Variants in MAK observed in about 807,000 individuals in gnomAD.
MAK encodes the protein male germ cell associated kinase.
A neutral mutation model predicts 82.6 loss-of-function variants in MAK; 65 were observed. The observed-to-expected ratio is 0.79, with a 90% confidence interval of 0.64 to 0.97. The LOEUF is 0.97. MAK is among the 50% of genes least tolerant of loss of function. The pLI is 0.00. For missense variants in MAK, 703 were observed against 780.2 expected, an observed-to-expected ratio of 0.90 and a Z score of 1.18; for synonymous variants, 250 against 274.2, an observed-to-expected ratio of 0.91 and a Z score of 0.87.
intron 2 of MAK, among the ~76,000 whole-genome samples, chr6:10,823,067 C>G (rs1472719357): frequency 2.0e-5 from 3 of 152,160 alleles, no homozygotes; most frequent in Non-Finnish European, 4.4e-5. Context: ...CTAGACCGCT[C>G]AAAAGGTTTG....
intron 2 of MAK, among the ~76,000 whole-genome samples, chr6:10,824,004 A>G (rs1263380732): frequency 6.6e-6 from 1 of 152,200 alleles, no homozygotes; most frequent in Non-Finnish European, 1.5e-5. Flanking sequence ...CAAACAAAAA[A>G]AAAAAATGAG....
At chr6:10,770,661 G>A (rs1466760867) in intron 13 of MAK, among the ~76,000 whole-genome samples, 7 of 152,302 alleles carry the variant, frequency 4.6e-5, no homozygotes, top group Non-Finnish European at 8.8e-5. Flanking sequence ...ACCTATTCTC[G>A]TAGGGTTGTT....
rs1376425213 is a variant in MAK at position 10,817,987 on chromosome 6, T to C, written c.157-16A>G. The C allele has an allele frequency of 3.5e-6, 5 of 1,408,586 alleles. No individual in the cohort carries two copies. In the East Asian group the frequency reaches 1.2e-4, roughly 35 times the overall value. 87.3% of individuals were successfully genotyped at this position (1,408,586 alleles called of 1,614,324 possible). On this transcript the variant is annotated splice_polypyrimidine_tract_variant and intron_variant, in intron 3 of 14. Coordinates refer to ENST00000354489, the MANE Select transcript of MAK (RefSeq NM_001242957.3). ...TCTTCAGAGACTGAAAAATAACAAA[T>C]ATGCCTTAAAATTTCTTAAAAAAAA...
At chr6:10,819,610 C>T (rs1223115539) in intron 2 of MAK, among the ~76,000 whole-genome samples, 3 of 151,110 alleles carry the variant, frequency 2.0e-5, no homozygotes, top group Admixed American at 1.3e-4. Flanking sequence ...CCAGCCTGGG[C>T]GACAGATGAG....
intron 13 of MAK, among the ~76,000 whole-genome samples, chr6:10,772,330 CT>C (rs35702506): frequency 0.022 from 3,158 of 144,250 alleles, 41 homozygotes; most frequent in African/African-American, 0.042. Context: ...CCCAGTTAAC[CT>C]TTTTTTTTTT....
At chr6:10,814,999 T>A (rs2127573426) in intron 4 of MAK, among the ~76,000 whole-genome samples, 1 of 151,708 alleles carries the variant, frequency 6.6e-6, no homozygotes, top group South Asian at 2.1e-4. Context: ...ATTACACCAC[T>A]TCACTCCAGC....
intron 10 of MAK, among the ~76,000 whole-genome samples, chr6:10,790,369 C>T (rs1774970991): frequency 6.6e-6 from 1 of 152,056 alleles, no homozygotes; most frequent in African/African-American, 2.4e-5. Context: ...GTTTTCCTGA[C>T]TCATAACACA....
chr6:10,812,073 G>A (rs112201621), intron 5 of MAK, among the ~76,000 whole-genome samples: 9 of 152,178 alleles, frequency 5.9e-5, no homozygotes, highest in East Asian at 1.9e-4. Context: ...GGAAGCGTGC[G>A]CCTGTAGTCC....
At chr6:10,811,970 T>C (rs562750607) in intron 5 of MAK, among the ~76,000 whole-genome samples, 2 of 151,934 alleles carry the variant, frequency 1.3e-5, no homozygotes, top group African/African-American at 2.4e-5. Flanking sequence ...GAGGCTGAGG[T>C]TGGAGGATCA....
chr6:10,775,432 A>G lies in MAK; in HGVS notation c.1493T>C (p.Ile498Thr). The G allele has an allele frequency of 1.9e-6, 3 of 1,613,728 alleles. No individual in the cohort carries two copies. Among genetic ancestry groups the G allele is most frequent in the Non-Finnish European group, 2.5e-6 (3 of 1,179,726 alleles). ...GGGGTTTATTTCCTTTCCACTGGCT[A>G]TCAAGGACACCTTCTTGGGATTCAC... ...PGVNPKKVSL[I>T]ASGKEINPHT... is the part of the protein sequence containing the mutation. Residue 498 changes from isoleucine to threonine, a missense_variant, in exon 12 of 15, where the codon ATA (isoleucine) becomes ACA (threonine). Physicochemically the swap from Ile to Thr is moderately conservative, Grantham distance 89. Transcript: ENST00000354489.
At position 10,764,244 on chromosome 6, in the gene MAK, A is replaced by G. The variant is rs1772186733; in HGVS notation, c.*208T>C. The stretch of plus-strand genomic sequence containing the variant: ...TTCAATACTTTGTAACATCCTACCC[A>G]TATATCAACACTGTGGGCAATGATG... On this transcript the variant is annotated 3_prime_UTR_variant, in exon 15 of 15. Coordinates refer to ENST00000354489, the MANE Select transcript of MAK (RefSeq NM_001242957.3). 3 of 578,884 alleles carry G rather than the reference A, an allele frequency of 5.2e-6. No individual in the cohort carries two copies. The highest frequency in any genetic ancestry group is 4.2e-5 in the South Asian group (2 of 47,544). The allele number at this position is 578,884 out of a possible 1,614,324, so 35.9% of individuals were successfully genotyped here. A position where few individuals can be genotyped will look rare whatever the true frequency, so the allele number is the denominator to read the frequency against.
chr6:10,773,294 T>C (rs1418137711), intron 12 of MAK, among the ~76,000 whole-genome samples, 186 bp from the exon 13 acceptor site: 1 of 152,220 alleles, frequency 6.6e-6, no homozygotes, highest in Non-Finnish European at 1.5e-5. Flanking sequence ...GACTCAAAGT[T>C]GTTCTACTGT....
intron 10 of MAK, 175 bp from the exon 11 acceptor site, chr6:10,784,747 T>C (rs1774372062): frequency 4.4e-6 from 3 of 688,890 alleles, no homozygotes; most frequent in Admixed American, 4.1e-5. Flanking sequence ...CCCGCGTAGA[T>C]ATTGGGTCGT....
At chr6:10,806,322 T>A (rs1028826040) in intron 6 of MAK, among the ~76,000 whole-genome samples, 2 of 151,572 alleles carry the variant, frequency 1.3e-5, no homozygotes, top group African/African-American at 4.9e-5. Flanking sequence ...TGTGCCACCA[T>A]GCCTGGCTAA....
At chr6:10,811,661 C>T (rs1161557171) in intron 5 of MAK, among the ~76,000 whole-genome samples, 1 of 152,150 alleles carries the variant, frequency 6.6e-6, no homozygotes, top group African/African-American at 2.4e-5. Context: ...ATAATTAATA[C>T]ATTACTGCTG....
intron 11 of MAK, among the ~76,000 whole-genome samples, chr6:10,782,202 T>TCACACACACACACACACACACACA (rs746386493): frequency 6.8e-6 from 1 of 146,054 alleles, no homozygotes; most frequent in African/African-American, 2.5e-5. Context: ...TGAAACTCTG[T>TCACACACACACACACACACACACA]CACACACACA....
intron 5 of MAK, among the ~76,000 whole-genome samples, chr6:10,811,702 G>A (rs966747296): frequency 2.6e-5 from 4 of 152,060 alleles, no homozygotes; most frequent in Non-Finnish European, 1.5e-5. Context: ...TATCATTACA[G>A]GATTTAGACT....
At position 10,774,446 on chromosome 6, in the gene MAK, T is replaced by C. The variant is rs570964685; in HGVS notation, c.1597+882A>G. Among the ~76,000 whole-genome samples, 160 of 151,406 alleles carry C rather than the reference T, an allele frequency of 1.1e-3. 1 individual carries two copies. Among genetic ancestry groups the C allele is most frequent in the African/African-American group, 3.5e-3 (142 of 40,740 alleles). ...ATCACAGCATCAGGGCTATTTTCTC[T>C]CTCTTTTCTTTTTTCTTCCTTTTTG... On this transcript the variant is annotated intron_variant, in intron 12 of 14. Transcript: ENST00000354489.
At position 10,770,167 on chromosome 6, in the gene MAK, T is replaced by G. The variant is rs1772870340; in HGVS notation, c.1736A>C (p.Glu579Ala). 6.2e-7 allele frequency: 1 copy of G among 1,614,190 alleles called. No individual in the cohort carries two copies. Among genetic ancestry groups the G allele is most frequent in the African/African-American group, 1.3e-5 (1 of 75,048 alleles). The change falls in exon 14 of 15, where the codon GAA (glutamate) becomes GCA (alanine). Residue 579 changes from glutamate (E) to alanine (A), a missense_variant. By Grantham distance (107) the Glu-to-Ala change is moderately radical (BLOSUM62 -1). Transcript: ENST00000354489. ...SGYIPSFLKK[E>A]VQSAGQRIHL... ...GATCCTCTGGCCAGCTGACTGCACT[T>G]CTTTTTTGAGAAAGGAAGGAATATA...
Sources: gnomAD v4.1 joint callset for allele counts (sites outside exome capture counted in the v4.1 genomes callset) on GRCh38, gnomAD v4.1.1 for gene constraint, MANE v1.5 for transcripts, NCBI Gene and HGNC (gene_info 2026-07-23, HGNC 2026-07-21) for gene names.